RIF1: variants seen among roughly 807,000 people sequenced by gnomAD.
The protein encoded by RIF1 is replication timing regulatory factor 1.
Under a neutral mutation model 247.1 loss-of-function variants are expected in RIF1, and 45 were observed. The observed-to-expected ratio is 0.18, with a 90% CI of 0.14 to 0.23. The LOEUF (loss-of-function observed/expected upper bound fraction) is 0.23. Among genes scored for constraint, RIF1 ranks in the 10% least tolerant of loss-of-function variants. The probability of loss-of-function intolerance (pLI) is 1.00; values close to 1 mark genes in which losing one functional copy is unlikely to be tolerated. For missense variants in RIF1, 2,967 were observed against 2,862.5 expected (o/e 1.04, Z -0.83); for synonymous variants, 1,087 against 978.8 (o/e 1.11, Z -2.06).
In RIF1 at chr2:151,463,101, C is replaced by A. The variant is rs1696438904; in HGVS notation, c.3581C>A (p.Ser1194Tyr). Residue 1194 changes from serine to tyrosine, a missense_variant, in exon 30 of 36, where the codon TCT becomes TAT. By Grantham distance (144) the Ser-to-Tyr change is moderately radical. Coordinates refer to ENST00000444746, the MANE Select transcript of RIF1 (RefSeq NM_018151.5). ...STECASSTENSFVVSSSSVSN... is the reference protein window; with the variant it reads ...STECASSTENYFVVSSSSVSN... ...GAATGTGCATCTAGTACAGAAAATT[C>A]TTTCGTTGTCAGCAGTAGTTCAGTT... The A allele has an allele frequency of 3.7e-6, 6 of 1,613,996 alleles. No homozygotes were observed. Among genetic ancestry groups the A allele is most frequent in the African/African-American group, 2.7e-5 (2 of 75,038 alleles).
At chr2:151,506,401 C>T (rs924843315) in intron 13 of RIF1, 2 of 645,998 alleles carry the variant, frequency 3.1e-6, no homozygotes, top group South Asian at 2.0e-5. Flanking sequence ...TCGCACCTGA[C>T]ATTTCCATGT....
At chr2:151,451,740 T>C (rs769844762) in intron 21 of RIF1, 35 bp downstream of exon 21, 1 of 1,122,806 alleles carries the variant, frequency 8.9e-7, no homozygotes, top group South Asian at 1.2e-5. Flanking sequence ...GTTTGTCCAG[T>C]ATTTCATAAG....
At chr2:151,449,924 C>T (rs932569464) in intron 20 of RIF1, among the ~76,000 whole-genome samples, 2 of 150,242 alleles carry the variant, frequency 1.3e-5, no homozygotes, top group Admixed American at 1.3e-4. Flanking sequence ...CTCACTGCAA[C>T]CTCTGCCTCC....
chr2:151,512,622 T>G, downstream of RIF1: 1 of 869,730 alleles, frequency 1.1e-6, no homozygotes, highest in Non-Finnish European at 1.9e-6. Flanking sequence ...TGAATCTCTT[T>G]TTTATTGGGA....
At chr2:151,458,664 T>G in intron 24 of RIF1, 147 bp from the exon 25 acceptor site, 1 of 426,934 alleles carries the variant, frequency 2.3e-6, no homozygotes, top group East Asian at 3.5e-5. Context: ...TTTCTCAGTT[T>G]TATATACACA....
chr2:151,452,874 A>T (rs1694564088), intron 21 of RIF1, among the ~76,000 whole-genome samples: 1 of 152,256 alleles, frequency 6.6e-6, no homozygotes, highest in Admixed American at 6.5e-5. Context: ...TCAGGAACCC[A>T]CAGTTACAAA....
At chr2:151,432,992 G>A (rs1019152997) in intron 9 of RIF1, 85 bp from the exon 10 acceptor site, 7 of 1,028,816 alleles carry the variant, frequency 6.8e-6, no homozygotes, top group East Asian at 4.9e-5. Context: ...TTCTCTTGCT[G>A]TGATAAAAGA....
At position 151,479,146 on chromosome 2, in the gene RIF1, T is replaced by G. The variant is rs2049066051; in HGVS notation, c.*4075T>G. ...GCGCTGGTAGATGGGCCTAAGAGGC[T>G]TCAGGCTGTGTTTTAGGTTTTGGTA... On this transcript the variant is annotated 3_prime_UTR_variant, in exon 36 of 36. Transcript: ENST00000444746. 2.0e-5 allele frequency: 3 copies of G among 152,338 alleles called. No homozygotes were observed. The highest frequency in any genetic ancestry group is 6.5e-5 in the Admixed American group (1 of 15,296). The allele number at this position is 152,338 out of a possible 1,614,324, so 9.4% of individuals were successfully genotyped here.
chr2:151,492,216 G>C (rs2057157123), intron 9 of RIF1: 1 of 1,613,922 alleles, frequency 6.2e-7, no homozygotes, highest in African/African-American at 1.3e-5. Context: ...CTCGTTCAGT[G>C]ATAGGATCTG....
rs899195729 is a variant in RIF1, at chr2:151,480,938, T to A, written c.*5867T>A. The A allele has an allele frequency of 2.0e-5, 3 of 147,332 alleles. No homozygotes were observed. Among genetic ancestry groups the A allele is most frequent in the Non-Finnish European group, 3.0e-5 (2 of 66,774 alleles). 9.1% of individuals were successfully genotyped at this position (147,332 alleles called of 1,614,324 possible). Reference sequence around the variant, plus strand: ...GTACTATCTGTGAGCTGAGACTGGTTTTTACATTTTTTAATGGTGAAAAAA... The same window carrying A: ...GTACTATCTGTGAGCTGAGACTGGTATTTACATTTTTTAATGGTGAAAAAA... On this transcript the variant is annotated 3_prime_UTR_variant, in exon 36 of 36. Coordinates refer to ENST00000444746, the MANE Select transcript of RIF1 (RefSeq NM_018151.5).
chr2:151,470,626 T>C (rs1697641524), intron 34 of RIF1, among the ~76,000 whole-genome samples: 1 of 152,158 alleles, frequency 6.6e-6, no homozygotes, highest in Non-Finnish European at 1.5e-5. Context: ...ACTCAACCTG[T>C]ATCAGAAGTT....
chr2:151,524,334 T>C, the RIF1 span: 6 of 1,613,778 alleles, frequency 3.7e-6, no homozygotes, highest in Admixed American at 3.3e-5. Flanking sequence ...TTGGCTGCCT[T>C]CTTGGCCATT....
intron 20 of RIF1, among the ~76,000 whole-genome samples, chr2:151,449,377 A>G (rs1284571019): frequency 6.6e-6 from 1 of 152,158 alleles, no homozygotes; most frequent in Non-Finnish European, 1.5e-5. Flanking sequence ...ACTGTTCTTC[A>G]CCAATTTATA....
the RIF1 span, among the ~76,000 whole-genome samples, chr2:151,523,186 G>C: frequency 6.6e-6 from 1 of 151,640 alleles, no homozygotes; most frequent in Non-Finnish European, 1.5e-5. Context: ...TTTTTTTGTT[G>C]GTGGTGGTGA....
rs970809611 is a variant in RIF1, at chr2:151,469,696, T to C, written c.6942-15T>C. On this transcript the variant is annotated splice_polypyrimidine_tract_variant and intron_variant, in intron 33 of 35. Coordinates refer to ENST00000444746, the MANE Select transcript of RIF1 (RefSeq NM_018151.5). ...AAACTATATAATTATAATTTCCTGTTTCTGTTTTGTTTAGGGCAAGAGGCC... is the reference window on the plus strand; with the variant it reads ...AAACTATATAATTATAATTTCCTGTCTCTGTTTTGTTTAGGGCAAGAGGCC... 20 of 1,505,010 alleles carry C rather than the reference T, an allele frequency of 1.3e-5. No homozygotes were observed. The highest frequency in any genetic ancestry group is 1.7e-5 in the Non-Finnish European group (19 of 1,126,436). The allele number at this position is 1,505,010 out of a possible 1,614,324, so 93.2% of individuals were successfully genotyped here.
chr2:151,437,426 C>T (rs1002903284), intron 13 of RIF1, 75 bp downstream of exon 13: 2 of 1,128,192 alleles, frequency 1.8e-6, no homozygotes, highest in East Asian at 2.4e-5. Context: ...CACAGTACCT[C>T]ACACCTGTAA....
chr2:151,485,680 GGTAACA>G, downstream of RIF1: 9 of 1,349,448 alleles, frequency 6.7e-6, no homozygotes, highest in South Asian at 1.4e-4. Flanking sequence ...TGAGAACTTA[GGTAACA>G]GTGGAGAGTC....
At chr2:151,443,747 CCTT>C in intron 18 of RIF1, 38 bp downstream of exon 18, 3 of 1,310,168 alleles carry the variant, frequency 2.3e-6, no homozygotes, top group Middle Eastern at 2.7e-4. Flanking sequence ...GGATAATAGA[CCTT>C]TTTTTTTTGT....
intron 26 of RIF1, 141 bp from the exon 27 acceptor site, chr2:151,460,997 A>T: frequency 1.4e-6 from 1 of 734,570 alleles, no homozygotes; most frequent in Non-Finnish European, 2.3e-6. Flanking sequence ...ACATTGTACT[A>T]ATTTGTTACG....
Sources: gnomAD v4.1 joint callset for allele counts (sites outside exome capture counted in the v4.1 genomes callset) on GRCh38, gnomAD v4.1.1 for gene constraint, MANE v1.5 for transcripts, NCBI Gene and HGNC (gene_info 2026-07-23, HGNC 2026-07-21) for gene names.